The following NECTIN3 variants were observed in gnomAD, a reference collection of about 807,000 sequenced individuals.
NECTIN3 encodes the protein nectin-3.
NECTIN3 carries 8 observed loss-of-function variants against 49.4 expected under a neutral mutation model. The ratio of observed to expected loss-of-function variants is 0.16; its 90% CI spans 0.10 to 0.29. NECTIN3 has a LOEUF of 0.29. Ranked by LOEUF, NECTIN3 falls within the 10% of genes least tolerant of loss-of-function variation. NECTIN3 has a pLI of 1.00. For synonymous variants in NECTIN3, 277 were observed against 241.1 expected (o/e 1.15, Z -1.38); for missense variants, 581 against 654.6 (o/e 0.89, Z 1.23).
chr3:111,088,984 T>A (rs1490537259), intron 1 of NECTIN3, among the ~76,000 whole-genome samples: 2 of 152,140 alleles, frequency 1.3e-5, no homozygotes, highest in Admixed American at 1.3e-4. Flanking sequence ...TTTAATATCT[T>A]AATAATTATA....
At chr3:111,144,096 A>G (rs951987374) in intron 5 of NECTIN3, among the ~76,000 whole-genome samples, 5 of 152,228 alleles carry the variant, frequency 3.3e-5, no homozygotes, top group Middle Eastern at 3.4e-3. Flanking sequence ...TACTTGTAAT[A>G]GTTTTAGTAC....
intron 7 of NECTIN3, among the ~76,000 whole-genome samples, chr3:111,153,585 G>T (rs2035040193): frequency 6.6e-6 from 1 of 151,866 alleles, no homozygotes; most frequent in African/African-American, 2.4e-5. Context: ...CTGTGCATTT[G>T]CTGTTATTGT....
intron 1 of NECTIN3, among the ~76,000 whole-genome samples, chr3:111,083,690 C>T (rs942961727): frequency 6.6e-5 from 10 of 152,126 alleles, no homozygotes; most frequent in East Asian, 1.9e-4. Context: ...AACTTGACCC[C>T]GTGGTTAAAA....
intron 1 of NECTIN3, chr3:111,072,412 C>T: frequency 1.3e-6 from 2 of 1,523,676 alleles, no homozygotes. Context: ...GCGCGGGTCG[C>T]CGTGCGGATG....
At position 111,079,461 on chromosome 3, in the gene NECTIN3, A is replaced by G. The variant is rs557691739; in HGVS notation, c.160+7284A>G. ...GATTTAGAGATAATCATTCATGGCT[A>G]TACATTTAATTTAATACTAAGCCTG... is the stretch of plus-strand genomic sequence containing the variant. On this transcript the variant is annotated intron_variant, in intron 1 of 5. Coordinates refer to ENST00000485303, the MANE Select transcript of NECTIN3 (RefSeq NM_015480.3). 3.1e-3 allele frequency among the ~76,000 whole-genome samples: 473 copies of G among 152,130 alleles called. 2 individuals are homozygous for G. The highest frequency in any genetic ancestry group is 0.011 in the African/African-American group (447 of 41,546).
chr3:111,179,141 G>T (rs1559820595), intron 7 of NECTIN3, among the ~76,000 whole-genome samples: 2 of 152,166 alleles, frequency 1.3e-5, no homozygotes, highest in Admixed American at 6.5e-5. Context: ...TAATCATGTT[G>T]CCATTATTGA....
At chr3:111,163,786 A>AT (rs1331740703) in intron 7 of NECTIN3, among the ~76,000 whole-genome samples, 6 of 151,982 alleles carry the variant, frequency 3.9e-5, no homozygotes, top group East Asian at 1.9e-4. Flanking sequence ...TGTCACAATG[A>AT]TTTTTTTTCT....
chr3:111,160,606 C>T (rs2035190819), intron 7 of NECTIN3, among the ~76,000 whole-genome samples: 1 of 152,036 alleles, frequency 6.6e-6, no homozygotes, highest in Non-Finnish European at 1.5e-5. Flanking sequence ...ATTTTTCACA[C>T]TGTATAGATT....
At chr3:111,100,491 T>C (rs1315457129) in intron 1 of NECTIN3, among the ~76,000 whole-genome samples, 1 of 152,114 alleles carries the variant, frequency 6.6e-6, no homozygotes, top group Non-Finnish European at 1.5e-5. Context: ...GAATTTTGTG[T>C]TTAGGCTTTA....
Position 111,136,311 on chromosome 3 carries a change from A to G in NECTIN3, c.*2096A>G, listed in dbSNP as rs2034573350. ...TATTTCAAAAATATAAATACTGATT[A>G]TGAACTTCCTTTTACATTGTGGTTA... On this transcript the variant is annotated 3_prime_UTR_variant, in exon 6 of 6. Transcript: ENST00000485303. The G allele has an allele frequency of 1.0e-6, 1 of 980,848 alleles. No homozygotes were observed. The highest frequency in any genetic ancestry group is 1.2e-6 in the Non-Finnish European group (1 of 825,980). The allele number at this position is 980,848 out of a possible 1,614,324, so 60.8% of individuals were successfully genotyped here.
intron 7 of NECTIN3, among the ~76,000 whole-genome samples, chr3:111,173,673 ACT>A (rs1388554476): frequency 6.6e-6 from 1 of 151,830 alleles, no homozygotes; most frequent in Non-Finnish European, 1.5e-5. Flanking sequence ...GATCCTCCTC[ACT>A]CTTAGACTCA....
chr3:111,072,325 C>T (rs2030822893), intron 1 of NECTIN3, 148 bp downstream of exon 1: 1 of 1,432,168 alleles, frequency 7.0e-7, no homozygotes, highest in African/African-American at 1.5e-5. Flanking sequence ...AAACTTTTCG[C>T]CGCGCCCGGG....
chr3:111,169,578 A>G (rs1010538366), intron 7 of NECTIN3, among the ~76,000 whole-genome samples: 1 of 152,118 alleles, frequency 6.6e-6, no homozygotes, highest in African/African-American at 2.4e-5. Context: ...TTACTAGAGC[A>G]CATTTTAAAG....
At chr3:111,149,626 G>A (rs1391579061) in intron 7 of NECTIN3, among the ~76,000 whole-genome samples, 1 of 151,766 alleles carries the variant, frequency 6.6e-6, no homozygotes, top group East Asian at 1.9e-4. Flanking sequence ...TTGGCTATTA[G>A]CATATAGAAA....
chr3:111,121,440 T>C (rs962036512), intron 3 of NECTIN3, among the ~76,000 whole-genome samples: 1 of 152,198 alleles, frequency 6.6e-6, no homozygotes, highest in African/African-American at 2.4e-5. Context: ...CTGGTAGATA[T>C]GGATAATTGC....
intron 1 of NECTIN3, among the ~76,000 whole-genome samples, chr3:111,084,887 G>A (rs991354321): frequency 1.3e-5 from 2 of 152,148 alleles, no homozygotes; most frequent in African/African-American, 4.8e-5. Context: ...CAAACTGGAT[G>A]GCTTAAAACA....
In NECTIN3 at chr3:111,136,539, T is replaced by C. The variant is rs1357265440; in HGVS notation, c.*2324T>C. On this transcript the variant is annotated 3_prime_UTR_variant, in exon 6 of 6. Coordinates refer to ENST00000485303, the MANE Select transcript of NECTIN3 (RefSeq NM_015480.3). ...ATTGCACTGTTGTTTATTAGAACTT[T>C]ATGTATATTTACTGTACATAGAGAC... 8 of 961,316 alleles carry C rather than the reference T, an allele frequency of 8.3e-6. No individual in the cohort carries two copies. Among genetic ancestry groups the C allele is most frequent in the Non-Finnish European group, 9.9e-6 (8 of 808,302 alleles). 59.5% of individuals were successfully genotyped at this position (961,316 alleles called of 1,614,324 possible).
At chr3:111,174,395 A>G (rs2035487202) in intron 7 of NECTIN3, among the ~76,000 whole-genome samples, 1 of 152,032 alleles carries the variant, frequency 6.6e-6, no homozygotes, top group Non-Finnish European at 1.5e-5. Flanking sequence ...TCAATTTTCC[A>G]CTGCGGATAT....
At chr3:111,132,797 G>A (rs1328115761) in intron 5 of NECTIN3, among the ~76,000 whole-genome samples, 1 of 151,860 alleles carries the variant, frequency 6.6e-6, no homozygotes, top group African/African-American at 2.4e-5. Flanking sequence ...AAATTTTGCA[G>A]ATATAGTTGA....
Sources: allele counts gnomAD v4.1 joint callset (sites outside exome capture counted in the v4.1 genomes callset), GRCh38; gene constraint gnomAD v4.1.1; transcripts MANE v1.5; gene names NCBI Gene and HGNC (gene_info 2026-07-23, HGNC 2026-07-21).